UFC1: variants seen among roughly 807,000 people sequenced by gnomAD.
UFC1 encodes the protein ubiquitin-fold modifier conjugating enzyme 1.
A neutral mutation model predicts 28.0 loss-of-function variants in UFC1; 22 were observed. The observed-to-expected ratio is 0.78, with a 90% CI of 0.56 to 1.12. UFC1 has a LOEUF of 1.12. Among genes scored for constraint, UFC1 ranks in the 50% most tolerant of loss-of-function variants. The pLI, the probability that UFC1 is intolerant of heterozygous loss-of-function variation, is 0.00. For missense variants in UFC1, 189 were observed against 207.8 expected (o/e 0.91, Z 0.56); for synonymous variants, 61 against 74.5 (o/e 0.82, Z 0.93).
chr1:161,157,112 A>T, intron 2 of UFC1, 95 bp downstream of exon 2: 2 of 1,498,754 alleles, frequency 1.3e-6, no homozygotes, highest in South Asian at 1.1e-5. Flanking sequence ...GCCCTGTCAC[A>T]TGTTAGCTGT....
At chr1:161,158,074 T>A (rs1657595807) in intron 4 of UFC1, 47 bp from the exon 5 acceptor site, 1 of 1,527,700 alleles carries the variant, frequency 6.5e-7, no homozygotes, top group South Asian at 1.1e-5. Flanking sequence ...TGCTGTGCTT[T>A]ATGGTAAACT....
rs1378446578 is a variant in UFC1 at position 161,158,123 on chromosome 1, G to C, written c.335G>C (p.Gly112Ala). The C allele has an allele frequency of 4.3e-6, 7 of 1,614,020 alleles. No homozygotes were observed. The highest frequency in any genetic ancestry group is 5.9e-6 in the Non-Finnish European group (7 of 1,180,026). ...LDGKTAKMYR[G>A]GKICLTDHFK... ...CCTTCTTCATGTCCCTCTCATAGGG[G>C]TGGCAAAATATGCCTGACGGATCAT... The change falls in exon 5 of 6, where the codon GGT becomes GCT. Residue 112 changes from glycine (G) to alanine (A), a missense_variant and splice_region_variant. Transcript: ENST00000368003.
At chr1:161,156,711 G>A (rs1200085311) in intron 1 of UFC1, among the ~76,000 whole-genome samples, 4 of 151,990 alleles carry the variant, frequency 2.6e-5, no homozygotes, top group Non-Finnish European at 2.9e-5. Flanking sequence ...GCATGGTGGT[G>A]CACGCCTGTA....
rs200442918 is a variant in UFC1, at chr1:161,154,014, C to T, written c.17C>T (p.Thr6Met). MADEA[T>M]RRVVSEIPVL... ...TGGTCCAAGATGGCGGATGAAGCCA[C>T]GCGACGTGTTGTGTCTGAGATCCCG... The change falls in exon 1 of 6, where the codon ACG becomes ATG. Residue 6 changes from threonine (T) to methionine (M), a missense_variant. Physicochemically the swap from Thr to Met is moderately conservative, Grantham distance 81. Transcript: ENST00000368003. 2.7e-4 allele frequency: 442 copies of T among 1,613,986 alleles called. 3 individuals are homozygous for T. The Middle Eastern group carries it at 4.1e-3, about 15-fold the overall frequency.
intron 1 of UFC1, 32 bp downstream of exon 1, chr1:161,154,152 C>T: frequency 6.2e-7 from 1 of 1,612,850 alleles, no homozygotes; most frequent in Non-Finnish European, 8.5e-7. Flanking sequence ...TAACGCGTAG[C>T]ATAAGGGTTG....
In UFC1 at chr1:161,158,355, AAT is replaced by A. The variant is rs1657612477; in HGVS notation, c.424-56_424-55del. On this transcript the variant is annotated intron_variant, in intron 5 of 5. Transcript: ENST00000368003. ...AATCTGTCTCCAGGAAGGAGCTTCT[AAT>A]GGAACAAGAAGCATTGACTGGTAGT... The A allele has an allele frequency of 2.3e-5, 36 of 1,598,140 alleles. 1 individual carries two copies. In the South Asian group the frequency reaches 3.9e-4, roughly 17 times the overall value.
Position 161,158,532 on chromosome 1 carries a change from A to C in UFC1, c.*40A>C. 1 of 1,602,652 alleles carries C rather than the reference A, an allele frequency of 6.2e-7. No homozygotes were observed. The highest frequency in any genetic ancestry group is 1.1e-5 in the South Asian group (1 of 90,858). ...GAGGCAGGGCAGAGGGACCTTTGATAGGCTACGATACTATTTTCCTGTGCA... is the reference window on the plus strand; with the variant it reads ...GAGGCAGGGCAGAGGGACCTTTGATCGGCTACGATACTATTTTCCTGTGCA... On this transcript the variant is annotated 3_prime_UTR_variant, in exon 6 of 6. Coordinates refer to ENST00000368003, the MANE Select transcript of UFC1 (RefSeq NM_016406.4).
intron 2 of UFC1, 71 bp from the exon 3 acceptor site, chr1:161,157,183 G>A: frequency 6.3e-7 from 1 of 1,597,640 alleles, no homozygotes; most frequent in Non-Finnish European, 8.6e-7. Context: ...CAGGCTGGTG[G>A]CCTAAGCCAA....
chr1:161,157,826 G>T, intron 4 of UFC1, 133 bp downstream of exon 4: 2 of 759,798 alleles, frequency 2.6e-6, no homozygotes, highest in Non-Finnish European at 4.5e-6. Flanking sequence ...TGATCTATGT[G>T]TAAATCACCA....
At chr1:161,155,388 A>G (rs189256765) in intron 1 of UFC1, among the ~76,000 whole-genome samples, 1 of 152,356 alleles carries the variant, frequency 6.6e-6, no homozygotes, top group Non-Finnish European at 1.5e-5. Context: ...AGTAGCTCAG[A>G]GTTGTTAGAG....
At chr1:161,154,697 A>G (rs767995726) in intron 1 of UFC1, among the ~76,000 whole-genome samples, 5 of 151,934 alleles carry the variant, frequency 3.3e-5, no homozygotes, top group African/African-American at 4.8e-5. Flanking sequence ...GTTGGCCAGG[A>G]TGGTCTCGAT....
At position 161,156,991 on chromosome 1, in the gene UFC1, A is replaced by T. The variant is rs1030106038; in HGVS notation, c.165A>T (p.Arg55=). ...NNKNADNDWF[R]LESNKEGTRW... ...AGAATGCTGACAACGATTGGTTCCG[A>T]CTGGAGTCCAACAAGGAAGGAACTC... Residue 55 remains arginine, a synonymous_variant, in exon 2 of 6, where the codon CGA becomes CGT. Coordinates refer to ENST00000368003, the MANE Select transcript of UFC1 (RefSeq NM_016406.4). The T allele has an allele frequency of 6.2e-7, 1 of 1,614,220 alleles. No homozygotes were observed.
rs371683888 is a variant in UFC1, at chr1:161,158,142, G to A, written c.354G>A (p.Thr118=). 32 of 1,613,956 alleles carry A rather than the reference G, an allele frequency of 2.0e-5. No homozygotes were observed. The highest frequency in any genetic ancestry group is 2.5e-5 in the Non-Finnish European group (30 of 1,180,014). ...ATAGGGGTGGCAAAATATGCCTGAC[G>A]GATCATTTCAAACCTTTGTGGGCCA... is the stretch of plus-strand genomic sequence containing the variant. ...KMYRGGKICL[T]DHFKPLWARN... Residue 118 remains threonine, a synonymous_variant, in exon 5 of 6, where the codon ACG becomes ACA. Coordinates refer to ENST00000368003, the MANE Select transcript of UFC1 (RefSeq NM_016406.4).
At position 161,156,949 on chromosome 1, in the gene UFC1, G is replaced by C; in HGVS notation, c.124-1G>C. ...TCAAAGACCTCATTCTCTGCTTTCA[G>C]TATGTGGAGAACAACAAGAATGCTG... On this transcript the variant is annotated splice_acceptor_variant, in intron 1 of 5. Coordinates refer to ENST00000368003, the MANE Select transcript of UFC1 (RefSeq NM_016406.4). LOFTEE classifies it high-confidence loss of function. 6.2e-7 allele frequency: 1 copy of C among 1,614,160 alleles called. No individual in the cohort carries two copies. Among genetic ancestry groups the C allele is most frequent in the South Asian group, 1.1e-5 (1 of 91,086 alleles).
rs1358750902 is a variant in UFC1 at position 161,158,052 on chromosome 1, C to G, written c.333-69C>G. The G allele has an allele frequency of 3.0e-6, 4 of 1,338,600 alleles. No homozygotes were observed. The East Asian group carries it at 9.2e-5, about 31-fold the overall frequency. 82.9% of individuals were successfully genotyped at this position (1,338,600 alleles called of 1,614,324 possible). A position where few individuals can be genotyped will look rare whatever the true frequency, so the allele number is the denominator to read the frequency against. On this transcript the variant is annotated intron_variant, in intron 4 of 5. Coordinates refer to ENST00000368003, the MANE Select transcript of UFC1 (RefSeq NM_016406.4). ...TCTGATCACTAGTAGTCTTCCTATG[C>G]CCCCAAGAGGCTGCTGTGCTTTATG...
intron 1 of UFC1, among the ~76,000 whole-genome samples, chr1:161,156,470 T>C (rs1024426172): frequency 1.2e-4 from 17 of 141,208 alleles, no homozygotes; most frequent in African/African-American, 4.1e-4. Flanking sequence ...ACCCAGGCAA[T>C]GGAGCTTGCA....
At chr1:161,154,264 G>A in intron 1 of UFC1, 144 bp downstream of exon 1, 1 of 1,371,032 alleles carries the variant, frequency 7.3e-7, no homozygotes, top group South Asian at 1.4e-5. Flanking sequence ...TGTGGGGCTC[G>A]GGGACTAAGG....
chr1:161,157,138 G>A lies in UFC1; in HGVS notation c.192-116G>A, dbSNP rs78466983. On this transcript the variant is annotated intron_variant, in intron 2 of 5. Coordinates refer to ENST00000368003, the MANE Select transcript of UFC1 (RefSeq NM_016406.4). Reference sequence around the variant, plus strand: ...TGTTAGCTGTCTCCACTCCCACAGCGCCAGAGTTCCCCAGTTCCCATCCTA... The same window carrying A: ...TGTTAGCTGTCTCCACTCCCACAGCACCAGAGTTCCCCAGTTCCCATCCTA... 509 of 1,512,566 alleles carry A rather than the reference G, an allele frequency of 3.4e-4. No individual in the cohort carries two copies. The African/African-American group carries it at 4.4e-3, about 13-fold the overall frequency. 93.7% of individuals were successfully genotyped at this position (1,512,566 alleles called of 1,614,324 possible).
At chr1:161,156,356 C>T (rs2101789635) in intron 1 of UFC1, among the ~76,000 whole-genome samples, 1 of 151,058 alleles carries the variant, frequency 6.6e-6, no homozygotes, top group Non-Finnish European at 1.5e-5. Flanking sequence ...TGGTGAAACC[C>T]CATCTCTACT....
Sources: allele counts gnomAD v4.1 joint callset (sites outside exome capture counted in the v4.1 genomes callset), GRCh38; gene constraint gnomAD v4.1.1; transcripts MANE v1.5; gene names NCBI Gene and HGNC (gene_info 2026-07-23, HGNC 2026-07-21).